ADAMTS2: variants seen among roughly 807,000 people sequenced by gnomAD.
ADAMTS2 encodes the protein A disintegrin and metalloproteinase with thrombospondin motifs 2.
In ADAMTS2, 50 loss-of-function variants were observed where a neutral mutation model predicts 123.0. That is an observed-to-expected ratio of 0.41 (90% CI 0.32 to 0.51). ADAMTS2 has a LOEUF of 0.51. Ranked by LOEUF, ADAMTS2 falls within the 20% of genes least tolerant of loss-of-function variation. The pLI is 0.35. For synonymous variants in ADAMTS2, 678 were observed against 695.4 expected (o/e 0.98, Z 0.39); for missense variants, 1,494 against 1,705.2 (o/e 0.88, Z 2.18).
At chr5:179,172,528 C>G (rs1451502898) in intron 5 of ADAMTS2, among the ~76,000 whole-genome samples, 1 of 152,228 alleles carries the variant, frequency 6.6e-6, no homozygotes, top group Admixed American at 6.5e-5. Context: ...GACCACGTAC[C>G]TATGGCAGCC....
chr5:179,185,438 G>A lies in ADAMTS2; in HGVS notation c.892-4283C>T. 6.6e-6 allele frequency among the ~76,000 whole-genome samples: 1 copy of A among 152,088 alleles called. No homozygotes were observed. Among genetic ancestry groups the A allele is most frequent in the South Asian group, 2.1e-4 (1 of 4,832 alleles). ...CCACAGGGCGGAGGGAGGAGATGCG[G>A]GGCTGGCCCTCTCCTGGCTCCTGGC... On this transcript the variant is annotated intron_variant, in intron 4 of 21. Transcript: ENST00000251582. This position sits in a 1 kb window ranked among gnomAD's most constrained non-coding sequence, Gnocchi z 5.9.
At chr5:179,296,808 C>A (rs1394273678) in intron 2 of ADAMTS2, among the ~76,000 whole-genome samples, 1 of 151,832 alleles carries the variant, frequency 6.6e-6, no homozygotes, top group Non-Finnish European at 1.5e-5. Flanking sequence ...AAGGTGCAGG[C>A]CGAAAAAAGG....
chr5:179,117,753 G>A lies in ADAMTS2; in HGVS notation c.3179-3429C>T, dbSNP rs1338309665. ...GGGTTTCGCTATGTTGGTCAGGCTG[G>A]TCTTGAACTCCTGACCTTGTGATCC... is the stretch of plus-strand genomic sequence containing the variant. On this transcript the variant is annotated intron_variant, in intron 21 of 21. Coordinates refer to ENST00000251582, the MANE Select transcript of ADAMTS2 (RefSeq NM_014244.5). The surrounding 1 kb of genome is among the most constrained non-coding windows in gnomAD (Gnocchi z 4.2). Among the ~76,000 whole-genome samples, 1 of 152,042 alleles carries A rather than the reference G, an allele frequency of 6.6e-6. No individual in the cohort carries two copies. The highest frequency in any genetic ancestry group is 1.5e-5 in the Non-Finnish European group (1 of 68,002).
chr5:179,272,886 G>A lies in ADAMTS2; in HGVS notation c.688+25C>T. 6.2e-7 allele frequency: 1 copy of A among 1,603,786 alleles called. No individual in the cohort carries two copies. Among genetic ancestry groups the A allele is most frequent in the Non-Finnish European group, 8.5e-7 (1 of 1,178,522 alleles). Reference sequence around the variant, plus strand: ...AGGGCCTCAGAGGGCTCTCCACACAGCCTGCCCACCTGCAGTAGCCTCACC... The same window carrying A: ...AGGGCCTCAGAGGGCTCTCCACACAACCTGCCCACCTGCAGTAGCCTCACC... On this transcript the variant is annotated intron_variant, in intron 3 of 21. Transcript: ENST00000251582. The surrounding 1 kb of genome is among the most constrained non-coding windows in gnomAD (Gnocchi z 5.8).
At position 179,285,382 on chromosome 5, in the gene ADAMTS2, G is replaced by C. The variant is rs1474726664; in HGVS notation, c.535-12318C>G. Reference sequence around the variant, plus strand: ...CCTCACGGGGCCAGCGCAGGGGCCAGCCAGGCGGCCTTCTGCTAAATCAAG... The same window carrying C: ...CCTCACGGGGCCAGCGCAGGGGCCACCCAGGCGGCCTTCTGCTAAATCAAG... On this transcript the variant is annotated intron_variant, in intron 2 of 21. Coordinates refer to ENST00000251582, the MANE Select transcript of ADAMTS2 (RefSeq NM_014244.5). This position sits in a 1 kb window ranked among gnomAD's most constrained non-coding sequence, Gnocchi z 4.9. Among the ~76,000 whole-genome samples the C allele has an allele frequency of 3.9e-5, 6 of 152,192 alleles. No individual in the cohort carries two copies. Among genetic ancestry groups the C allele is most frequent in the African/African-American group, 1.4e-4 (6 of 41,404 alleles).
At chr5:179,313,857 C>T (rs1278862523) in intron 2 of ADAMTS2, among the ~76,000 whole-genome samples, 1 of 66,390 alleles carries the variant, frequency 1.5e-5, no homozygotes, top group Admixed American at 1.5e-4. Flanking sequence ...GCAGAGGGGA[C>T]GCACACGCAT....
rs1762888726 is a variant in ADAMTS2 at position 179,127,998 on chromosome 5, G to A, written c.2578C>T (p.Leu860=). ...EEDSVVYEWA[L]KKWSPCSKPC... ...TTGGAGCACGGAGACCACTTCTTCAGGGCCCACTCGTAGACCACAGAGTCC... is the reference window on the plus strand; with the variant it reads ...TTGGAGCACGGAGACCACTTCTTCAAGGCCCACTCGTAGACCACAGAGTCC... The change falls in exon 17 of 22, where the codon CTG becomes TTG. Residue 860 remains leucine, a synonymous_variant. Transcript: ENST00000251582. 1 of 1,613,924 alleles carries A rather than the reference G, an allele frequency of 6.2e-7. No individual in the cohort carries two copies.
chr5:179,144,651 T>C (rs994960274), intron 10 of ADAMTS2, among the ~76,000 whole-genome samples: 3 of 152,250 alleles, frequency 2.0e-5, no homozygotes, highest in African/African-American at 7.2e-5. Flanking sequence ...GGAAAAGGAA[T>C]AGTCTCTTCA....
At chr5:179,296,007 C>G (rs1246699765) in intron 2 of ADAMTS2, among the ~76,000 whole-genome samples, 2 of 152,204 alleles carry the variant, frequency 1.3e-5, no homozygotes, top group East Asian at 3.8e-4. Flanking sequence ...GTCCAGGAGA[C>G]TGAGGGTCCT....
intron 3 of ADAMTS2, among the ~76,000 whole-genome samples, chr5:179,224,872 C>A (rs1005600874): frequency 6.6e-6 from 1 of 152,120 alleles, no homozygotes; most frequent in Admixed American, 6.5e-5. Flanking sequence ...TCTGCCACCT[C>A]GGCTCCACGC....
intron 3 of ADAMTS2, among the ~76,000 whole-genome samples, chr5:179,258,789 G>A (rs13178420): frequency 0.3 from 45,719 of 151,930 alleles, 7,800 homozygotes; most frequent in Non-Finnish European, 0.36. Context: ...AGGCAGCCGG[G>A]TGGGGCTGTG....
rs576608166 is a variant in ADAMTS2, at chr5:179,262,442, G to A, written c.688+10469C>T. ...CCCTCCAAAGGCCTCCACCGCACAG[G>A]GAATGAATTCTCACCCCGTACCGTG... is the stretch of plus-strand genomic sequence containing the variant. On this transcript the variant is annotated intron_variant, in intron 3 of 21. Transcript: ENST00000251582. The surrounding 1 kb of genome is among the most constrained non-coding windows in gnomAD (Gnocchi z 5.9). 1.4e-4 allele frequency among the ~76,000 whole-genome samples: 21 copies of A among 151,532 alleles called. No homozygotes were observed. The highest frequency in any genetic ancestry group is 4.9e-4 in the African/African-American group (20 of 41,234).
intron 3 of ADAMTS2, among the ~76,000 whole-genome samples, chr5:179,230,414 T>C (rs945609625): frequency 6.6e-6 from 1 of 152,160 alleles, no homozygotes; most frequent in African/African-American, 2.4e-5. Flanking sequence ...TGGTCACTTA[T>C]GCGCTCCAGG....
intron 2 of ADAMTS2, among the ~76,000 whole-genome samples, chr5:179,274,817 G>A (rs1766651574): frequency 6.6e-6 from 1 of 152,260 alleles, no homozygotes; most frequent in South Asian, 2.1e-4. Context: ...GCCAGGCAGG[G>A]GCTGGTGGAG....
In ADAMTS2 at chr5:179,240,235, A is replaced by G. The variant is rs78526266; in HGVS notation, c.689-32520T>C. On this transcript the variant is annotated intron_variant, in intron 3 of 21. Coordinates refer to ENST00000251582, the MANE Select transcript of ADAMTS2 (RefSeq NM_014244.5). Reference sequence around the variant, plus strand: ...TGCTAGCGGCACCTTGCTGGTGAACATCATCGTAAGCAAGAGCAGAAGCAG... The same window carrying G: ...TGCTAGCGGCACCTTGCTGGTGAACGTCATCGTAAGCAAGAGCAGAAGCAG... Among the ~76,000 whole-genome samples the G allele has an allele frequency of 6.6e-3, 1,008 of 152,320 alleles. 26 individuals carry two copies. Among genetic ancestry groups the G allele is most frequent in the Admixed American group, 0.048 (732 of 15,302 alleles).
In ADAMTS2 at chr5:179,128,211, G is replaced by C. The variant is rs901895835; in HGVS notation, c.2458-93C>G. On this transcript the variant is annotated intron_variant, in intron 16 of 21. Coordinates refer to ENST00000251582, the MANE Select transcript of ADAMTS2 (RefSeq NM_014244.5). The surrounding 1 kb of genome is among the most constrained non-coding windows in gnomAD (Gnocchi z 4.9). The stretch of plus-strand genomic sequence containing the variant: ...AACGGCAGCTGAGGCCGACTCCAGA[G>C]GAGTCTCATCATTCATGGCAGTTAC... 92 of 1,497,112 alleles carry C rather than the reference G, an allele frequency of 6.1e-5. No homozygotes were observed. Among genetic ancestry groups the C allele is most frequent in the Non-Finnish European group, 8.1e-5 (89 of 1,094,128 alleles). The allele number at this position is 1,497,112 out of a possible 1,614,324, so 92.7% of individuals were successfully genotyped here.
At chr5:179,321,195 TC>T (rs1397486512) in intron 2 of ADAMTS2, among the ~76,000 whole-genome samples, 1 of 152,174 alleles carries the variant, frequency 6.6e-6, no homozygotes, top group African/African-American at 2.4e-5. Flanking sequence ...TCATCCTCGG[TC>T]CCTGAGCAAA....
intron 2 of ADAMTS2, among the ~76,000 whole-genome samples, chr5:179,283,087 C>T (rs964499627): frequency 1.3e-5 from 2 of 152,164 alleles, no homozygotes; most frequent in South Asian, 2.1e-4. Flanking sequence ...TGCCACTTTA[C>T]GCAGCCTGGA....
rs1561763088 is a variant in ADAMTS2, at chr5:179,334,825, C to CTTTG, written c.534+8941_534+8942insCAAA. The stretch of plus-strand genomic sequence containing the variant: ...ATGGAAAGTATTCAATGAGCAATGG[C>CTTTG]AAAAAGAAAAAAAATCCTTGAAATA... On this transcript the variant is annotated intron_variant, in intron 2 of 21. Transcript: ENST00000251582. Among the ~76,000 whole-genome samples, 6 of 151,002 alleles carry CTTTG rather than the reference C, an allele frequency of 4.0e-5. 1 individual carries two copies. Among genetic ancestry groups the CTTTG allele is most frequent in the Admixed American group, 2.6e-4 (4 of 15,184 alleles).
Sources: allele counts gnomAD v4.1 joint callset (sites outside exome capture counted in the v4.1 genomes callset), GRCh38; gene constraint gnomAD v4.1.1; non-coding constraint Gnocchi (gnomAD v3.1); transcripts MANE v1.5; gene names NCBI Gene and HGNC (gene_info 2026-07-23, HGNC 2026-07-21).